NDST3: variants seen among roughly 807,000 people sequenced by gnomAD.
The protein encoded by NDST3 is N-deacetylase and N-sulfotransferase 3, also known as bifunctional heparan sulfate N-deacetylase/N-sulfotransferase 3.
A neutral mutation model predicts 96.1 loss-of-function variants in NDST3; 58 were observed. The observed-to-expected ratio is 0.60, with a 90% CI of 0.49 to 0.75. The LOEUF (loss-of-function observed/expected upper bound fraction) is 0.75. Among genes scored for constraint, NDST3 ranks in the 30% least tolerant of loss-of-function variants. NDST3 has a pLI of 0.00. For synonymous variants in NDST3, 333 were observed against 359.7 expected, an observed-to-expected ratio of 0.93 and a Z score of 0.84; for missense variants, 788 against 1,034.2, an observed-to-expected ratio of 0.76 and a Z score of 3.27.
rs149555612 is a variant in NDST3 at position 118,158,934 on chromosome 4, T to G, written c.1539+15250T>G. ...AAAATCCAGAAACAAATTAAGACAC[T>G]GCTGGACCCCAGGCAAGCGCAAAAC... On this transcript the variant is annotated intron_variant, in intron 6 of 13. Transcript: ENST00000296499. Among the ~76,000 whole-genome samples the G allele has an allele frequency of 1.4e-3, 212 of 152,218 alleles. 1 individual carries two copies. Among genetic ancestry groups the G allele is most frequent in the African/African-American group, 4.8e-3 (198 of 41,536 alleles).
chr4:118,170,855 T>C (rs150245933), intron 6 of NDST3, among the ~76,000 whole-genome samples: 54 of 152,348 alleles, frequency 3.5e-4, no homozygotes, highest in Admixed American at 7.2e-4. Context: ...TTTTTCTCAA[T>C]TAAATGAAGA....
intron 2 of NDST3, among the ~76,000 whole-genome samples, chr4:118,069,856 C>T: frequency 1.4e-5 from 1 of 70,746 alleles, no homozygotes; most frequent in African/African-American, 3.0e-5. Context: ...ATAAATGGAA[C>T]AGCATGTTCC....
intron 2 of NDST3, among the ~76,000 whole-genome samples, chr4:118,063,807 G>A (rs1219752005): frequency 6.6e-6 from 1 of 152,110 alleles, no homozygotes; most frequent in African/African-American, 2.4e-5. Flanking sequence ...ACTAGTAAGT[G>A]GCATTCCTAG....
At chr4:118,065,315 C>T (rs780918468) in intron 2 of NDST3, among the ~76,000 whole-genome samples, 1 of 152,106 alleles carries the variant, frequency 6.6e-6, no homozygotes. Flanking sequence ...CAAACAATTA[C>T]TCTAGATCTC....
At position 118,224,522 on chromosome 4, in the gene NDST3, A is replaced by G. The variant is rs1378316578; in HGVS notation, c.1571A>G (p.Tyr524Cys). ...ATTTTCATGACCCATTTGTCCAACT[A>G]TGGGAATGACCGACTGGGATTATAT... The part of the protein sequence containing the change: ...ISIFMTHLSN[Y>C]GNDRLGLYTF... Residue 524 changes from tyrosine to cysteine, a missense_variant, in exon 7 of 14, where the codon TAT becomes TGT. Physicochemically the swap from Tyr to Cys is radical, Grantham distance 194. This residue lies in a region of NDST3 where 490 missense variants were observed against 708.8 expected (regional missense o/e 0.69). Transcript: ENST00000296499. 1 of 1,609,780 alleles carries G rather than the reference A, an allele frequency of 6.2e-7. No individual in the cohort carries two copies. The highest frequency in any genetic ancestry group is 8.5e-7 in the Non-Finnish European group (1 of 1,178,036).
Position 118,193,767 on chromosome 4 carries a change from T to C in NDST3, c.1540-30724T>C, listed in dbSNP as rs144336747. ...TCCAGGGCCTTGTTACAGCTTTCAG[T>C]GGCAGCAGAGAAGGCCTGTAGTTTC... On this transcript the variant is annotated intron_variant, in intron 6 of 13. Transcript: ENST00000296499. 4.4e-5 allele frequency: 66 copies of C among 1,486,184 alleles called. No individual in the cohort carries two copies. The East Asian group carries it at 1.4e-3, about 32-fold the overall frequency. The allele number at this position is 1,486,184 out of a possible 1,614,324, so 92.1% of individuals were successfully genotyped here.
intron 12 of NDST3, among the ~76,000 whole-genome samples, chr4:118,244,492 T>A (rs72919205): frequency 0.055 from 8,288 of 151,120 alleles, 429 homozygotes; most frequent in African/African-American, 0.14. Context: ...GTGCTTAAAA[T>A]TTTTTTTTTC....
intron 6 of NDST3, among the ~76,000 whole-genome samples, chr4:118,220,123 T>C (rs554142373): frequency 1.2e-4 from 18 of 151,760 alleles, no homozygotes; most frequent in Non-Finnish European, 2.5e-4. Flanking sequence ...CCCACAGGAG[T>C]ATAAATCATT....
At chr4:118,233,895 T>C (rs1740472563) in intron 9 of NDST3, among the ~76,000 whole-genome samples, 2 of 152,184 alleles carry the variant, frequency 1.3e-5, no homozygotes, top group African/African-American at 4.8e-5. Flanking sequence ...CATATATATC[T>C]CTTGTCAAAC....
At chr4:118,162,993 T>G (rs1735280511) in intron 6 of NDST3, among the ~76,000 whole-genome samples, 1 of 149,918 alleles carries the variant, frequency 6.7e-6, no homozygotes, top group South Asian at 2.1e-4. Context: ...AAAAAACACA[T>G]GAAAAAATGC....
At chr4:118,148,028 G>C (rs1734077476) in intron 6 of NDST3, among the ~76,000 whole-genome samples, 1 of 152,218 alleles carries the variant, frequency 6.6e-6, no homozygotes, top group Admixed American at 6.5e-5. Context: ...GCCAGGCGCA[G>C]TGGCTCACGC....
intron 2 of NDST3, among the ~76,000 whole-genome samples, chr4:118,094,683 T>C (rs1729148799): frequency 6.6e-6 from 1 of 151,898 alleles, no homozygotes; most frequent in South Asian, 2.1e-4. Context: ...CTTTCATTCT[T>C]TCAGCAAGAC....
chr4:118,057,893 C>T (rs1430811134), intron 2 of NDST3, among the ~76,000 whole-genome samples: 1 of 152,006 alleles, frequency 6.6e-6, no homozygotes, highest in African/African-American at 2.4e-5. Flanking sequence ...GGAAGACCAA[C>T]CGTCCTGGTT....
intron 6 of NDST3, among the ~76,000 whole-genome samples, chr4:118,185,588 C>A (rs1736899948): frequency 6.6e-6 from 1 of 152,000 alleles, no homozygotes; most frequent in East Asian, 1.9e-4. Flanking sequence ...AATCAGGCAG[C>A]CTCTTGAGCC....
At chr4:118,071,531 C>A (rs139223916) in intron 2 of NDST3, among the ~76,000 whole-genome samples, 1 of 152,058 alleles carries the variant, frequency 6.6e-6, no homozygotes, top group Admixed American at 6.6e-5. Context: ...TCTCTTCCTG[C>A]ATTAGTTTGC....
chr4:118,128,030 G>A (rs1321149471), intron 4 of NDST3, among the ~76,000 whole-genome samples: 2 of 151,876 alleles, frequency 1.3e-5, no homozygotes, highest in Admixed American at 6.6e-5. Flanking sequence ...TTTGTATGTT[G>A]ATCTTGTATC....
At chr4:118,179,999 C>T (rs1736506173) in intron 6 of NDST3, among the ~76,000 whole-genome samples, 1 of 152,054 alleles carries the variant, frequency 6.6e-6, no homozygotes, top group Admixed American at 6.6e-5. Context: ...CTACCTTACG[C>T]CTCCAGTTAA....
At chr4:118,136,500 G>A (rs989417525) in intron 4 of NDST3, among the ~76,000 whole-genome samples, 6 of 152,078 alleles carry the variant, frequency 3.9e-5, no homozygotes, top group African/African-American at 1.2e-4. Context: ...AAACCAGTAC[G>A]AAAAAAGCAA....
chr4:118,194,218 C>T (rs1737512853), intron 6 of NDST3: 1 of 732,854 alleles, frequency 1.4e-6, no homozygotes, highest in African/African-American at 1.7e-5. Flanking sequence ...AGAACTAGTC[C>T]TTGTAGCACC....
Sources: allele counts gnomAD v4.1 joint callset (sites outside exome capture counted in the v4.1 genomes callset), GRCh38; gene constraint gnomAD v4.1.1; regional missense constraint gnomAD v4.1.1; transcripts MANE v1.5; gene names NCBI Gene and HGNC (gene_info 2026-07-23, HGNC 2026-07-21).